The following SGK1 variants were observed in gnomAD, a reference collection of about 807,000 sequenced individuals.
SGK1 encodes serum/glucocorticoid regulated kinase 1, also known as serine/threonine-protein kinase Sgk1.
Under a neutral mutation model 64.2 loss-of-function variants are expected in SGK1, and 26 were observed. That is an observed-to-expected ratio of 0.40 (90% CI 0.30 to 0.56). The LOEUF (loss-of-function observed/expected upper bound fraction) is 0.56. SGK1 is among the 20% of genes least tolerant of loss of function. The pLI, the probability that SGK1 is intolerant of heterozygous loss-of-function variation, is 0.38. For missense variants in SGK1, 519 were observed against 645.6 expected, an observed-to-expected ratio of 0.80 and a Z score of 2.12; for synonymous variants, 265 against 239.7, an observed-to-expected ratio of 1.11 and a Z score of -0.98.
chr6:134,189,229 C>CGCGT (rs1775471559), intron 3 of SGK1, among the ~76,000 whole-genome samples: 1 of 100,194 alleles, frequency 1.0e-5, no homozygotes, highest in African/African-American at 3.5e-5. Context: ...TGTGTGTGTG[C>CGCGT]GTGTGCGTGT....
In SGK1 at chr6:134,254,114, C is replaced by CTTT. The variant is rs57975960; in HGVS notation, c.285+7816_285+7818dup. Among the ~76,000 whole-genome samples the CTTT allele has an allele frequency of 5.8e-3, 740 of 126,740 alleles. 2 individuals carry two copies. The highest frequency in any genetic ancestry group is 0.02 in the African/African-American group (676 of 33,378). The allele number at this position is 126,740 out of a possible 152,430, so 83.1% of individuals were successfully genotyped here. ...CTCTCCTTTTCTGTCCTAGTCTCTC[C>CTTT]TTTTTTTTTTTTTCAAAAAAAAAAA... On this transcript the variant is annotated intron_variant, in intron 2 of 13. Coordinates refer to ENST00000367858, the MANE Select transcript of SGK1 (RefSeq NM_001143676.3).
intron 1 of SGK1, among the ~76,000 whole-genome samples, chr6:134,301,993 A>T (rs576485723): frequency 6.6e-6 from 1 of 152,334 alleles, no homozygotes; most frequent in South Asian, 2.1e-4. Context: ...AAACAGAAGG[A>T]TGGAATGCCC....
Position 134,178,532 on chromosome 6 carries a change from C to T in SGK1, c.362-3946G>A, listed in dbSNP as rs532848718. Among the ~76,000 whole-genome samples the T allele has an allele frequency of 4.6e-5, 7 of 152,346 alleles. No homozygotes were observed. The South Asian group carries it at 1.4e-3, about 32-fold the overall frequency. Reference sequence around the variant, plus strand: ...TTGATCTGTTCTTCCTTCCTGTCGCCAGCCTCTTTCTTTGGTCCAGATAGT... The same window carrying T: ...TTGATCTGTTCTTCCTTCCTGTCGCTAGCCTCTTTCTTTGGTCCAGATAGT... On this transcript the variant is annotated intron_variant, in intron 3 of 13. Transcript: ENST00000367858.
intron 2 of SGK1, among the ~76,000 whole-genome samples, chr6:134,217,422 C>A (rs1776003882): frequency 6.6e-6 from 1 of 152,144 alleles, no homozygotes; most frequent in Non-Finnish European, 1.5e-5. Context: ...TTCCTGAGAG[C>A]AGTTGCTCCA....
chr6:134,239,831 C>T (rs1242064050), intron 2 of SGK1, among the ~76,000 whole-genome samples: 1 of 152,174 alleles, frequency 6.6e-6, no homozygotes, highest in Admixed American at 6.5e-5. Flanking sequence ...GTCTGCCCCA[C>T]ATTAAACACA....
intron 3 of SGK1, among the ~76,000 whole-genome samples, chr6:134,189,193 C>T (rs1005870030): frequency 2.8e-4 from 39 of 139,526 alleles, no homozygotes; most frequent in African/African-American, 1.0e-3. Context: ...TATTAACTAC[C>T]TCTTTTATAC....
chr6:134,279,431 AAAATAAAT>A (rs142061179), intron 1 of SGK1, among the ~76,000 whole-genome samples: 8 of 148,126 alleles, frequency 5.4e-5, no homozygotes, highest in African/African-American at 1.2e-4. Flanking sequence ...ATCCTGTCTC[AAAATAAAT>A]AAATAAATAA....
chr6:134,240,878 A>G (rs913673789), intron 2 of SGK1, among the ~76,000 whole-genome samples: 1 of 152,146 alleles, frequency 6.6e-6, no homozygotes, highest in Non-Finnish European at 1.5e-5. Context: ...AAGTTGGCGA[A>G]GTTCTTGAAA....
intron 3 of SGK1, among the ~76,000 whole-genome samples, chr6:134,191,511 G>A (rs1466373064): frequency 2.0e-5 from 3 of 152,060 alleles, no homozygotes; most frequent in Non-Finnish European, 4.4e-5. Flanking sequence ...TCTCAAGGCG[G>A]GTACTACAGT....
chr6:134,200,754 A>C (rs1484534072), intron 3 of SGK1, among the ~76,000 whole-genome samples: 1 of 152,026 alleles, frequency 6.6e-6, no homozygotes, highest in African/African-American at 2.4e-5. Context: ...AATACAAGAA[A>C]TTAGCTGGGT....
chr6:134,238,237 T>C (rs1352206968), intron 2 of SGK1, among the ~76,000 whole-genome samples: 1 of 152,234 alleles, frequency 6.6e-6, no homozygotes, highest in African/African-American at 2.4e-5. Context: ...GGTTGATTTA[T>C]GCATTAGAAA....
intron 2 of SGK1, chr6:134,261,730 C>T (rs1317025376): frequency 1.6e-6 from 1 of 619,652 alleles, no homozygotes; most frequent in East Asian, 2.7e-5. Flanking sequence ...TTGCTGTGAA[C>T]TTAAAGCTGC....
chr6:134,246,259 C>T (rs1776523095), intron 2 of SGK1, among the ~76,000 whole-genome samples: 1 of 151,992 alleles, frequency 6.6e-6, no homozygotes, highest in Non-Finnish European at 1.5e-5. Flanking sequence ...AGTGATTCTC[C>T]TGCCGCAGCC....
rs990420134 is a variant in SGK1, at chr6:134,172,012, G to C, written c.1071+181C>G. On this transcript the variant is annotated intron_variant, in intron 10 of 13. Coordinates refer to ENST00000367858, the MANE Select transcript of SGK1 (RefSeq NM_001143676.3). Reference sequence around the variant, plus strand: ...TTACAAACAGCTACTTTTCAGTAAAGGAACAGAAGGACTTGGGATTTCTCA... The same window carrying C: ...TTACAAACAGCTACTTTTCAGTAAACGAACAGAAGGACTTGGGATTTCTCA... 11 of 725,942 alleles carry C rather than the reference G, an allele frequency of 1.5e-5. No individual in the cohort carries two copies. The African/African-American group carries it at 3.9e-4, about 25-fold the overall frequency. The allele number at this position is 725,942 out of a possible 1,614,324, so 45.0% of individuals were successfully genotyped here.
intron 2 of SGK1, among the ~76,000 whole-genome samples, chr6:134,217,139 T>C (rs1171449420): frequency 6.6e-6 from 1 of 152,124 alleles, no homozygotes; most frequent in African/African-American, 2.4e-5. Flanking sequence ...CGAACTCACA[T>C]GGGAGCTCTG....
At chr6:134,176,636 A>G (rs899456570) in intron 3 of SGK1, among the ~76,000 whole-genome samples, 1 of 151,872 alleles carries the variant, frequency 6.6e-6, no homozygotes, top group African/African-American at 2.4e-5. Flanking sequence ...CCCTGCCATG[A>G]CCTCTTGCTA....
intron 2 of SGK1, chr6:134,259,979 A>G (rs988826098): frequency 1.1e-4 from 17 of 152,162 alleles, no homozygotes; most frequent in Admixed American, 9.8e-4. Context: ...ATGAGCAATA[A>G]TGATTTATAT....
rs745972704 is a variant in SGK1 at position 134,261,962 on chromosome 6, A to G, written c.256T>C (p.Cys86Arg). The G allele has an allele frequency of 3.1e-6, 5 of 1,613,796 alleles. No homozygotes were observed. The highest frequency in any genetic ancestry group is 2.2e-5 in the East Asian group (1 of 44,876). ...CACCCAGATTGAGTTTCCCATGAACATGACTCGTTCTCCTGAGGGAGAACC... is the reference window on the plus strand; with the variant it reads ...CACCCAGATTGAGTTTCCCATGAACGTGACTCGTTCTCCTGAGGGAGAACC... ...RGVLPQENES[C>R]SWETQSGCEV... The change falls in exon 2 of 14, where the codon TGT (cysteine) becomes CGT (arginine). Residue 86 changes from cysteine to arginine, a missense_variant. Cys to Arg is a radical substitution (Grantham distance 180). Around this residue, in one of 2 missense-constraint regions of SGK1, gnomAD observed 241 missense variants for 236.9 expected, o/e 1.02. Transcript: ENST00000367858.
chr6:134,213,792 A>C (rs1775932554), intron 2 of SGK1, among the ~76,000 whole-genome samples: 1 of 152,106 alleles, frequency 6.6e-6, no homozygotes, highest in African/African-American at 2.4e-5. Context: ...TAAGGATTCA[A>C]GGAGAATTTC....
Sources: gnomAD v4.1 joint callset for allele counts (sites outside exome capture counted in the v4.1 genomes callset) on GRCh38, gnomAD v4.1.1 for gene constraint, gnomAD v4.1.1 regional missense constraint, MANE v1.5 for transcripts, NCBI Gene and HGNC (gene_info 2026-07-23, HGNC 2026-07-21) for gene names.